Variants in ALK observed in about 807,000 individuals in gnomAD.
The protein encoded by ALK is ALK receptor tyrosine kinase.
ALK carries 74 observed loss-of-function variants against 163.1 expected under a neutral mutation model. The observed-to-expected ratio is 0.45, with a 90% CI of 0.38 to 0.55. The LOEUF is 0.55. Among genes scored for constraint, ALK ranks in the 20% least tolerant of loss-of-function variants. The pLI is 0.00. For missense variants in ALK, 2,063 were observed against 2,105.3 expected (o/e 0.98, Z 0.39); for synonymous variants, 960 against 843.2 (o/e 1.14, Z -2.40).
chr2:29,427,897 C>T (rs987658461), intron 4 of ALK, among the ~76,000 whole-genome samples: 2 of 152,008 alleles, frequency 1.3e-5, no homozygotes, highest in African/African-American at 2.4e-5. Flanking sequence ...AGGCTCAATA[C>T]ATTTAAAAGA....
At chr2:29,772,727 C>A (rs922123973) in intron 1 of ALK, among the ~76,000 whole-genome samples, 2 of 152,126 alleles carry the variant, frequency 1.3e-5, no homozygotes, top group Non-Finnish European at 2.9e-5. Context: ...TCACGACAAG[C>A]CTTATACACT....
intron 5 of ALK, among the ~76,000 whole-genome samples, chr2:29,359,502 G>C (rs1187933263): frequency 6.6e-6 from 1 of 152,196 alleles, no homozygotes; most frequent in East Asian, 1.9e-4. Context: ...TCTTAAGACT[G>C]GGCCAAGTCA....
At chr2:29,325,446 C>G (rs894256816) in intron 6 of ALK, among the ~76,000 whole-genome samples, 1 of 152,312 alleles carries the variant, frequency 6.6e-6, no homozygotes, top group African/African-American at 2.4e-5. Flanking sequence ...TCTCAGACCT[C>G]AGAGTGTCAG....
At chr2:29,631,120 T>C (rs1676358801) in intron 3 of ALK, among the ~76,000 whole-genome samples, 1 of 152,386 alleles carries the variant, frequency 6.6e-6, no homozygotes, top group South Asian at 2.1e-4. Flanking sequence ...TAGTTATATA[T>C]GCAGCTTTAA....
At chr2:29,230,034 C>T (rs751056635) in intron 15 of ALK, among the ~76,000 whole-genome samples, 2 of 152,174 alleles carry the variant, frequency 1.3e-5, no homozygotes, top group Non-Finnish European at 2.9e-5. Context: ...CAGGATATCC[C>T]CTATGCCTAC....
rs951076151 is a variant in ALK at position 29,246,875 on chromosome 2, G to A, written c.2204+4230C>T. ...CTTCCACCCTCATGCTTTCACCAGG[G>A]GGAGCGAGAGGCCTTTTGGGGGGTA... On this transcript the variant is annotated intron_variant, in intron 12 of 28. Coordinates refer to ENST00000389048, the MANE Select transcript of ALK (RefSeq NM_004304.5). The surrounding 1 kb of genome is among the most constrained non-coding windows in gnomAD (Gnocchi z 4.3). Among the ~76,000 whole-genome samples, 13 of 152,282 alleles carry A rather than the reference G, an allele frequency of 8.5e-5. No individual in the cohort carries two copies. Among genetic ancestry groups the A allele is most frequent in the Admixed American group, 6.5e-4 (10 of 15,312 alleles).
At chr2:29,281,416 T>A (rs1473957188) in intron 9 of ALK, among the ~76,000 whole-genome samples, 3 of 152,166 alleles carry the variant, frequency 2.0e-5, no homozygotes, top group Non-Finnish European at 4.4e-5. Flanking sequence ...CCAATCTGTG[T>A]TGCCTAAGAA....
intron 4 of ALK, among the ~76,000 whole-genome samples, chr2:29,403,829 T>C (rs1240065419): frequency 6.6e-6 from 1 of 151,816 alleles, no homozygotes; most frequent in Non-Finnish European, 1.5e-5. Context: ...GGAGGATCAT[T>C]TGAGCCAGGG....
At chr2:29,794,851 C>T (rs931449739) in intron 1 of ALK, among the ~76,000 whole-genome samples, 12 of 152,026 alleles carry the variant, frequency 7.9e-5, no homozygotes, top group African/African-American at 2.4e-4. Flanking sequence ...TGAGATATTG[C>T]GAGAATTACC....
intron 5 of ALK, among the ~76,000 whole-genome samples, chr2:29,363,090 G>C (rs1006276292): frequency 1.3e-5 from 2 of 152,036 alleles, no homozygotes; most frequent in Non-Finnish European, 2.9e-5. Context: ...CTTTGTACTT[G>C]CCTCTTCCTC....
intron 1 of ALK, among the ~76,000 whole-genome samples, chr2:29,734,313 C>T (rs6721169): frequency 0.064 from 9,753 of 152,150 alleles, 820 homozygotes; most frequent in African/African-American, 0.2. Flanking sequence ...TTTCATGTTG[C>T]CCTAAAGAGA....
chr2:29,203,253 C>T (rs913303502), intron 26 of ALK, among the ~76,000 whole-genome samples: 3 of 152,054 alleles, frequency 2.0e-5, no homozygotes, highest in Non-Finnish European at 2.9e-5. Flanking sequence ...AGAAAGGCAG[C>T]TCTGACTATT....
chr2:29,578,194 C>T (rs1044314575), intron 3 of ALK, among the ~76,000 whole-genome samples: 1 of 151,768 alleles, frequency 6.6e-6, no homozygotes, highest in Admixed American at 6.5e-5. Context: ...ACGAGTTTCC[C>T]TACACAAGCT....
intron 2 of ALK, 58 bp from the exon 3 acceptor site, chr2:29,695,072 C>G: frequency 6.2e-7 from 1 of 1,601,466 alleles, no homozygotes; most frequent in Non-Finnish European, 8.5e-7. Flanking sequence ...GACTTTTCAG[C>G]CCCCTCCACT....
chr2:29,548,310 A>G (rs920785229), intron 3 of ALK, among the ~76,000 whole-genome samples: 2 of 152,066 alleles, frequency 1.3e-5, no homozygotes, highest in Non-Finnish European at 2.9e-5. Context: ...TGTCTCTACT[A>G]AAAATACAAA....
chr2:29,704,559 T>C (rs1678840418), intron 2 of ALK, among the ~76,000 whole-genome samples: 2 of 152,204 alleles, frequency 1.3e-5, no homozygotes, highest in South Asian at 4.1e-4. Flanking sequence ...AAATCCTATT[T>C]TTTTCTTGAA....
chr2:29,577,947 C>G (rs1193254348), intron 3 of ALK, among the ~76,000 whole-genome samples: 1 of 152,078 alleles, frequency 6.6e-6, no homozygotes, highest in African/African-American at 2.4e-5. Context: ...CACTGGCAGG[C>G]CCAGGGTGGC....
rs1277333074 is a variant in ALK at position 29,736,823 on chromosome 2, C to A, written c.668-19126G>T. Among the ~76,000 whole-genome samples, 3 of 151,788 alleles carry A rather than the reference C, an allele frequency of 2.0e-5. No individual in the cohort carries two copies. In the East Asian group the frequency reaches 5.8e-4, roughly 29 times the overall value. Reference sequence around the variant, plus strand: ...ATAGAGTTAACATTTGTAATTAAGCCGTATACAGGATGAAATTTAATACTT... The same window carrying A: ...ATAGAGTTAACATTTGTAATTAAGCAGTATACAGGATGAAATTTAATACTT... On this transcript the variant is annotated intron_variant, in intron 1 of 28. Transcript: ENST00000389048.
chr2:29,301,474 A>G (rs1183013150), intron 8 of ALK, among the ~76,000 whole-genome samples: 1 of 152,180 alleles, frequency 6.6e-6, no homozygotes, highest in Non-Finnish European at 1.5e-5. Context: ...AAAATTGCAT[A>G]TCTATATAGG....
Sources: gnomAD v4.1 joint callset for allele counts (sites outside exome capture counted in the v4.1 genomes callset) on GRCh38, gnomAD v4.1.1 for gene constraint, Gnocchi (gnomAD v3.1) non-coding constraint, MANE v1.5 for transcripts, NCBI Gene and HGNC (gene_info 2026-07-23, HGNC 2026-07-21) for gene names.